ZFHX3: variants seen among roughly 807,000 people sequenced by gnomAD.
The protein encoded by ZFHX3 is zinc finger homeobox 3.
Under a neutral mutation model 279.1 loss-of-function variants are expected in ZFHX3, and 42 were observed. The observed-to-expected ratio is 0.15, with a 90% CI of 0.12 to 0.19. The LOEUF (loss-of-function observed/expected upper bound fraction) is 0.19, where lower values mean the gene tolerates loss of function less well. ZFHX3 is among the 10% of genes least tolerant of loss of function. The pLI is 1.00. For missense variants in ZFHX3, 4,981 were observed against 4,754.0 expected (o/e 1.05, Z -1.40); for synonymous variants, 2,293 against 1,957.8 (o/e 1.17, Z -4.52).
chr16:73,233,714 G>A (rs2012851749), intron 5 of ZFHX3, among the ~76,000 whole-genome samples: 1 of 152,166 alleles, frequency 6.6e-6, no homozygotes, highest in Admixed American at 6.5e-5. Context: ...AATAAAACGA[G>A]CTGGATTTTC....
chr16:72,916,180 C>T (rs536120380), intron 3 of ZFHX3, among the ~76,000 whole-genome samples: 3 of 152,218 alleles, frequency 2.0e-5, no homozygotes, highest in African/African-American at 4.8e-5. Flanking sequence ...ACTTCCCCCC[C>T]CTCCTCCGCC....
intron 5 of ZFHX3, among the ~76,000 whole-genome samples, chr16:73,169,666 G>GA (rs912878708): frequency 0.021 from 2,780 of 134,588 alleles, 87 homozygotes; most frequent in African/African-American, 0.067. Flanking sequence ...CTCAAAAAAG[G>GA]AAAAAAAAAA....
chr16:73,738,101 T>G (rs1359049306), intron 1 of ZFHX3, among the ~76,000 whole-genome samples: 2 of 152,208 alleles, frequency 1.3e-5, no homozygotes, highest in Non-Finnish European at 2.9e-5. Flanking sequence ...TAAGCATCTA[T>G]GGAACTTTCT....
chr16:72,802,231 T>C (rs2036124374), intron 7 of ZFHX3, among the ~76,000 whole-genome samples: 1 of 151,918 alleles, frequency 6.6e-6, no homozygotes. Flanking sequence ...GAGAGACTTT[T>C]GCACTTGAAA....
intron 3 of ZFHX3, among the ~76,000 whole-genome samples, chr16:73,392,418 C>CAAAAAAAAAAA (rs35019692): frequency 0.031 from 1,119 of 35,756 alleles, 156 homozygotes; most frequent in Non-Finnish European, 0.044. Context: ...GACCCTGTCT[C>CAAAAAAAAAAA]AAAAAAAAAA....
At position 73,494,737 on chromosome 16, in the gene ZFHX3, T is replaced by A. The variant is rs1435863716; in HGVS notation, c.-1546-38479A>T. Among the ~76,000 whole-genome samples the A allele has an allele frequency of 4.6e-5, 7 of 152,158 alleles. No homozygotes were observed. The East Asian group carries it at 5.8e-4, about 13-fold the overall frequency. ...ACCATGACCGGCTAATTTTTTTTTT[T>A]TTTTATTTTTAGCAGAGATGGGGTT... On this transcript the variant is annotated intron_variant, in intron 2 of 17. Coordinates refer to the ZFHX3 transcript ENST00000641206.
chr16:73,835,508 T>C (rs1192939552), intron 1 of ZFHX3, among the ~76,000 whole-genome samples: 1 of 144,958 alleles, frequency 6.9e-6, no homozygotes, highest in Non-Finnish European at 1.5e-5. Context: ...TTCACTCTTG[T>C]CATCAAGGCT....
At chr16:73,218,502 C>T (rs1367700442) in intron 5 of ZFHX3, among the ~76,000 whole-genome samples, 2 of 152,180 alleles carry the variant, frequency 1.3e-5, no homozygotes, top group Non-Finnish European at 2.9e-5. Flanking sequence ...AGTGTGGTGG[C>T]TCATGCCTGT....
chr16:72,788,691 G>C lies in ZFHX3; in HGVS notation c.9585C>G (p.Pro3195=), dbSNP rs756101124. ...QATMAMGPQQ[P]PQQQQQQQQP... ...GCTGCTGCTGCTGCTGCTGCTGGGG[G>C]GGTTGCTGAGGGCCCATCGCCATCG... The change falls in exon 10 of 10, where the codon CCC becomes CCG. Residue 3195 remains proline (P), a synonymous_variant. Transcript: ENST00000268489. 2.5e-6 allele frequency: 4 copies of C among 1,612,794 alleles called. No individual in the cohort carries two copies. Among genetic ancestry groups the C allele is most frequent in the Non-Finnish European group, 3.4e-6 (4 of 1,179,472 alleles).
At position 72,889,969 on chromosome 16, in the gene ZFHX3, G is replaced by A. The variant is rs748413884; in HGVS notation, c.3217-7C>T. ...TCTCATGCTGCTGCAGGTGCTGCAA[G>A]TAACAAAAGAGAAAGACATGCCTTG... On this transcript the variant is annotated splice_region_variant and splice_polypyrimidine_tract_variant and intron_variant, in intron 3 of 9. Coordinates refer to ENST00000268489, the MANE Select transcript of ZFHX3 (RefSeq NM_006885.4). 3.1e-6 allele frequency: 5 copies of A among 1,610,384 alleles called. No individual in the cohort carries two copies. Among genetic ancestry groups the A allele is most frequent in the East Asian group, 4.5e-5 (2 of 44,858 alleles).
At chr16:73,479,905 C>A (rs141216979) in intron 2 of ZFHX3, among the ~76,000 whole-genome samples, 2 of 152,232 alleles carry the variant, frequency 1.3e-5, no homozygotes, top group African/African-American at 4.8e-5. Flanking sequence ...CTATTAGTAA[C>A]CCCCGTTTAT....
intron 2 of ZFHX3, among the ~76,000 whole-genome samples, chr16:73,524,849 G>C (rs2019665535): frequency 6.6e-6 from 1 of 152,150 alleles, no homozygotes; most frequent in Admixed American, 6.5e-5. Context: ...TCTTTCCCCA[G>C]GTGGGCTGAG....
rs1453912675 is a variant in ZFHX3, at chr16:73,824,399, TG to T, written c.-1608+67251del. 9.2e-3 allele frequency among the ~76,000 whole-genome samples: 1,339 copies of T among 145,030 alleles called. 14 individuals carry two copies. Among genetic ancestry groups the T allele is most frequent in the African/African-American group, 0.029 (1,069 of 37,106 alleles). ...ATAATTTCTTTTTTTTTTTTTTTAA[TG>T]TTTTTTTTTTTTTATTATACTTTAA... is the stretch of plus-strand genomic sequence containing the variant. On this transcript the variant is annotated intron_variant, in intron 1 of 17. Transcript: ENST00000641206.
intron 7 of ZFHX3, among the ~76,000 whole-genome samples, chr16:73,122,829 G>C (rs1179877836): frequency 1.3e-5 from 2 of 152,160 alleles, no homozygotes; most frequent in Non-Finnish European, 2.9e-5. Flanking sequence ...CAAGCAAACA[G>C]TGGTGTGGAG....
intron 5 of ZFHX3, among the ~76,000 whole-genome samples, chr16:73,149,000 A>T (rs1002209439): frequency 2.7e-5 from 4 of 146,662 alleles, no homozygotes; most frequent in Non-Finnish European, 6.0e-5. Context: ...GTAAGAATTA[A>T]ATGAGATTAT....
At chr16:72,821,944 A>G (rs2036803309) in intron 5 of ZFHX3, 1 of 152,204 alleles carries the variant, frequency 6.6e-6, no homozygotes, top group Non-Finnish European at 1.5e-5. Flanking sequence ...TGGGCTTTCC[A>G]ATGAAGAGCG....
chr16:73,592,742 T>G (rs376394530), intron 2 of ZFHX3, among the ~76,000 whole-genome samples: 2 of 45,750 alleles, frequency 4.4e-5, no homozygotes, highest in Non-Finnish European at 1.6e-4. Flanking sequence ...AATAAAAAGG[T>G]TTTTTTAAAT....
At chr16:73,879,273 G>A (rs1299203146) in intron 1 of ZFHX3, among the ~76,000 whole-genome samples, 1 of 147,056 alleles carries the variant, frequency 6.8e-6, no homozygotes, top group Non-Finnish European at 1.5e-5. Flanking sequence ...TCGTGGTCAG[G>A]AGCAGGTGGA....
intron 2 of ZFHX3, among the ~76,000 whole-genome samples, chr16:73,500,515 C>T (rs2019217609): frequency 6.6e-6 from 1 of 151,756 alleles, no homozygotes; most frequent in African/African-American, 2.4e-5. Context: ...TTTGTAGAGA[C>T]AGGATTTCAC....
Sources: gnomAD v4.1 joint callset for allele counts (sites outside exome capture counted in the v4.1 genomes callset) on GRCh38, gnomAD v4.1.1 for gene constraint, MANE v1.5 for transcripts, NCBI Gene and HGNC (gene_info 2026-07-23, HGNC 2026-07-21) for gene names.